The following KCNQ1 variants were observed in gnomAD, a reference collection of about 807,000 sequenced individuals.
KCNQ1 encodes the protein potassium voltage-gated channel subfamily KQT member 1.
Under a neutral mutation model 72.4 loss-of-function variants are expected in KCNQ1, and 49 were observed. The ratio of observed to expected loss-of-function variants is 0.68; its 90% confidence interval spans 0.54 to 0.86. KCNQ1 has a LOEUF of 0.86. KCNQ1 is among the 40% of genes least tolerant of loss of function. The pLI is 0.00. For missense variants in KCNQ1, 790 were observed against 945.1 expected, an observed-to-expected ratio of 0.84 and a Z score of 2.15; for synonymous variants, 450 against 412.6, an observed-to-expected ratio of 1.09 and a Z score of -1.10.
At chr11:2,604,485 AAAAG>A (rs545490911) in intron 10 of KCNQ1, among the ~76,000 whole-genome samples, 65 of 152,062 alleles carry the variant, frequency 4.3e-4, no homozygotes, top group East Asian at 7.8e-4. Flanking sequence ...CAAAAAAACA[AAAAG>A]AAAGGAAGAA....
Position 2,668,042 on chromosome 11 carries a change from C to G in KCNQ1, c.1514+5961C>G, listed in dbSNP as rs1207813843. 2 of 398,514 alleles carry G rather than the reference C, an allele frequency of 5.0e-6. No individual in the cohort carries two copies. Among genetic ancestry groups the G allele is most frequent in the Non-Finnish European group, 8.8e-6 (2 of 226,080 alleles). The allele number at this position is 398,514 out of a possible 1,614,324, so 24.7% of individuals were successfully genotyped here. A position where few individuals can be genotyped will look rare whatever the true frequency, so the allele number is the denominator to read the frequency against. On this transcript the variant is annotated intron_variant, in intron 11 of 15. Coordinates refer to ENST00000155840, the MANE Select transcript of KCNQ1 (RefSeq NM_000218.3). This position sits in a 1 kb window ranked among gnomAD's most constrained non-coding sequence, Gnocchi z 4.3. Reference sequence around the variant, plus strand: ...GCTAGCAGCAAGGACCAGCTTTGCCCACATTTGAACTTTATGCGGTGGGAA... The same window carrying G: ...GCTAGCAGCAAGGACCAGCTTTGCCGACATTTGAACTTTATGCGGTGGGAA...
chr11:2,639,723 C>G (rs1046165599), intron 10 of KCNQ1: 3 of 152,378 alleles, frequency 2.0e-5, no homozygotes, highest in Admixed American at 2.0e-4. Flanking sequence ...GGGAGAACCA[C>G]TACTCTTTTC....
chr11:2,588,885 G>C lies in KCNQ1; in HGVS notation c.1393+31G>C. 4 of 1,609,066 alleles carry C rather than the reference G, an allele frequency of 2.5e-6. No homozygotes were observed. Among genetic ancestry groups the C allele is most frequent in the Non-Finnish European group, 3.4e-6 (4 of 1,179,342 alleles). ...AACCCCTCAGGCAGTTGGGGGCCGC[G>C]GGGCCGGGAAGGTCACTGCCTTTTT... On this transcript the variant is annotated intron_variant, in intron 10 of 15. Transcript: ENST00000155840. This position sits in a 1 kb window ranked among gnomAD's most constrained non-coding sequence, Gnocchi z 5.6.
rs988412466 is a variant in KCNQ1, at chr11:2,712,993, C to T, written c.1514+50912C>T. The stretch of plus-strand genomic sequence containing the variant: ...AGGGGTCCTGGTAAGTATGAGGAAC[C>T]AGAGACCTGGTAAGTATGAGGAACC... On this transcript the variant is annotated intron_variant, in intron 11 of 15. Coordinates refer to ENST00000155840, the MANE Select transcript of KCNQ1 (RefSeq NM_000218.3). The surrounding 1 kb of genome is among the most constrained non-coding windows in gnomAD (Gnocchi z 6.4). Among the ~76,000 whole-genome samples the T allele has an allele frequency of 6.6e-6, 1 of 152,156 alleles. No homozygotes were observed. The highest frequency in any genetic ancestry group is 2.4e-5 in the African/African-American group (1 of 41,444).
chr11:2,557,852 A>G (rs1848095235), intron 2 of KCNQ1, among the ~76,000 whole-genome samples: 1 of 152,244 alleles, frequency 6.6e-6, no homozygotes, highest in African/African-American at 2.4e-5. Context: ...AACCAGCACT[A>G]TCACTTCGAA....
rs552455041 is a variant in KCNQ1 at position 2,561,112 on chromosome 11, G to C, written c.478-9516G>C. Among the ~76,000 whole-genome samples, 491 of 150,902 alleles carry C rather than the reference G, an allele frequency of 3.3e-3. 2 individuals are homozygous for C. Among genetic ancestry groups the C allele is most frequent in the Non-Finnish European group, 5.5e-3 (375 of 67,806 alleles). Reference sequence around the variant, plus strand: ...AGCTACTCGGGAGGCTGAGGCAGTAGAATGGTGTGAACCCCAGGGGGTGGA... The same window carrying C: ...AGCTACTCGGGAGGCTGAGGCAGTACAATGGTGTGAACCCCAGGGGGTGGA... On this transcript the variant is annotated intron_variant, in intron 2 of 15. Transcript: ENST00000155840.
chr11:2,726,751 G>T (rs184633249), intron 11 of KCNQ1, among the ~76,000 whole-genome samples: 1 of 152,178 alleles, frequency 6.6e-6, no homozygotes, highest in Non-Finnish European at 1.5e-5. Context: ...TTTTAAAGCC[G>T]GCTTTCCCAT....
chr11:2,668,363 T>A lies in KCNQ1; in HGVS notation c.1514+6282T>A, dbSNP rs1293520283. 5.0e-6 allele frequency: 2 copies of A among 398,646 alleles called. No individual in the cohort carries two copies. Among genetic ancestry groups the A allele is most frequent in the Non-Finnish European group, 8.8e-6 (2 of 226,066 alleles). The allele number at this position is 398,646 out of a possible 1,614,324, so 24.7% of individuals were successfully genotyped here. A position where few individuals can be genotyped will look rare whatever the true frequency, so the allele number is the denominator to read the frequency against. ...GGGTCCTGGGTGGGCATATGTTTACTCTTAGTGAATACTACCCAGCAGTCT... is the reference window on the plus strand; with the variant it reads ...GGGTCCTGGGTGGGCATATGTTTACACTTAGTGAATACTACCCAGCAGTCT... On this transcript the variant is annotated intron_variant, in intron 11 of 15. Coordinates refer to ENST00000155840, the MANE Select transcript of KCNQ1 (RefSeq NM_000218.3). This position sits in a 1 kb window ranked among gnomAD's most constrained non-coding sequence, Gnocchi z 4.3.
chr11:2,615,996 T>C (rs1849057165), intron 10 of KCNQ1: 2 of 398,250 alleles, frequency 5.0e-6, no homozygotes, highest in African/African-American at 2.1e-5. Context: ...TAGCATTTTC[T>C]TCATTGGAAG....
rs1387847122 is a variant in KCNQ1, at chr11:2,699,420, GCTGAGGAGAGTCTGGGAGAACCGCA to G, written c.1514+37348_1514+37372del. 2.2e-4 allele frequency: 89 copies of G among 400,302 alleles called. No homozygotes were observed. The highest frequency in any genetic ancestry group is 1.3e-3 in the Middle Eastern group (2 of 1,582). The allele number at this position is 400,302 out of a possible 1,614,324, so 24.8% of individuals were successfully genotyped here. On this transcript the variant is annotated intron_variant, in intron 11 of 15. Transcript: ENST00000155840. ...CTCCCAGAGAGATGGGGAGGGCCGC[GCTGAGGAGAGTCTGGGAGAACCGCA>G]CTGAGGAGCCGCCGGGAGAGTGCCG...
At chr11:2,618,978 T>C (rs1849117826) in intron 10 of KCNQ1, 2 of 398,376 alleles carry the variant, frequency 5.0e-6, no homozygotes, top group East Asian at 7.1e-5. Flanking sequence ...TTTGGCCAGG[T>C]CATTATTTGT....
In KCNQ1 at chr11:2,847,848, G is replaced by A. The variant is rs199472821; in HGVS notation, c.1876G>A (p.Gly626Ser). The change falls in exon 16 of 16, where the codon GGC becomes AGC. Residue 626 changes from glycine (G) to serine (S), a missense_variant. By Grantham distance (56) the Gly-to-Ser change is moderately conservative. This residue lies in a region of KCNQ1 where 94 missense variants were observed against 85.2 expected (regional missense o/e 1.10). Transcript: ENST00000155840. ...LLSLHGGSTP[G>S]SGGPPREGGA... ...CTCCTTGCACGGTGGCAGCACCCCC[G>A]GCAGCGGCGGCCCCCCCAGAGAGGG... 42 of 1,571,048 alleles carry A rather than the reference G, an allele frequency of 2.7e-5. No individual in the cohort carries two copies. The highest frequency in any genetic ancestry group is 1.7e-4 in the Middle Eastern group (1 of 6,030).
chr11:2,721,316 G>C (rs1851198870), intron 11 of KCNQ1, among the ~76,000 whole-genome samples: 1 of 152,184 alleles, frequency 6.6e-6, no homozygotes, highest in Non-Finnish European at 1.5e-5. Flanking sequence ...TGCTCGTGAG[G>C]GACCCCCGGG....
In KCNQ1 at chr11:2,687,794, C is replaced by G. The variant is rs1033259737; in HGVS notation, c.1514+25713C>G. On this transcript the variant is annotated intron_variant, in intron 11 of 15. Coordinates refer to ENST00000155840, the MANE Select transcript of KCNQ1 (RefSeq NM_000218.3). The surrounding 1 kb of genome is among the most constrained non-coding windows in gnomAD (Gnocchi z 5.0). ...CAGGCCTAACCACACCCCTAAGCCA[C>G]CCAGCCTGGCCCCCCTCCTCTGCCC... is the stretch of plus-strand genomic sequence containing the variant. 2.5e-6 allele frequency: 1 copy of G among 398,684 alleles called. No homozygotes were observed. Among genetic ancestry groups the G allele is most frequent in the Non-Finnish European group, 4.4e-6 (1 of 226,164 alleles). The allele number at this position is 398,684 out of a possible 1,614,324, so 24.7% of individuals were successfully genotyped here.
rs1847155646 is a variant in KCNQ1 at position 2,509,320 on chromosome 11, G to T, written c.387-18608G>T. Among the ~76,000 whole-genome samples, 2 of 152,134 alleles carry T rather than the reference G, an allele frequency of 1.3e-5. No homozygotes were observed. Among genetic ancestry groups the T allele is most frequent in the Non-Finnish European group, 2.9e-5 (2 of 68,034 alleles). On this transcript the variant is annotated intron_variant, in intron 1 of 15. Transcript: ENST00000155840. The surrounding 1 kb of genome is among the most constrained non-coding windows in gnomAD (Gnocchi z 6.3). The stretch of plus-strand genomic sequence containing the variant: ...GGCCCCTTCCCTTGGCATCATCATT[G>T]TTTCCCCTCCATGTTCAAGTTCAGC...
At chr11:2,796,093 GA>G (rs1564896184) in intron 15 of KCNQ1, among the ~76,000 whole-genome samples, 1 of 152,238 alleles carries the variant, frequency 6.6e-6, no homozygotes, top group Admixed American at 6.5e-5. Flanking sequence ...CAGCAGCCTA[GA>G]ACCGACACGT....
In KCNQ1 at chr11:2,458,218, CAG is replaced by C. The variant is rs1202113070; in HGVS notation, c.386+12737_386+12738del. Reference sequence around the variant, plus strand: ...AGTGGGTAAGCCTCACTGAAAATAACAGAGGAAGTGGATGAGCTGCATTGATG... The same window carrying C: ...AGTGGGTAAGCCTCACTGAAAATAACAGGAAGTGGATGAGCTGCATTGATG... On this transcript the variant is annotated intron_variant, in intron 1 of 15. Transcript: ENST00000155840. This position sits in a 1 kb window ranked among gnomAD's most constrained non-coding sequence, Gnocchi z 4.6. 2.6e-5 allele frequency among the ~76,000 whole-genome samples: 4 copies of C among 152,086 alleles called. No individual in the cohort carries two copies. The East Asian group carries it at 7.7e-4, about 29-fold the overall frequency.
rs1379580562 is a variant in KCNQ1, at chr11:2,711,165, T to C, written c.1514+49084T>C. ...AATTTGGTTCAAGAATATCTCATAG[T>C]TTTCAGTATAGTTTTTGCACTACTT... On this transcript the variant is annotated intron_variant, in intron 11 of 15. Transcript: ENST00000155840. This position sits in a 1 kb window ranked among gnomAD's most constrained non-coding sequence, Gnocchi z 5.4. 2.6e-5 allele frequency among the ~76,000 whole-genome samples: 4 copies of C among 152,196 alleles called. No individual in the cohort carries two copies. The highest frequency in any genetic ancestry group is 4.8e-5 in the African/African-American group (2 of 41,446).
chr11:2,549,802 G>C lies in KCNQ1; in HGVS notation c.478-20826G>C, dbSNP rs35025063. Reference sequence around the variant, plus strand: ...TCATGAGTACCCCAGGCCCCTATGCGCCTCCTTCCCCATGACTGGCCCTGG... The same window carrying C: ...TCATGAGTACCCCAGGCCCCTATGCCCCTCCTTCCCCATGACTGGCCCTGG... On this transcript the variant is annotated intron_variant, in intron 2 of 15. Coordinates refer to ENST00000155840, the MANE Select transcript of KCNQ1 (RefSeq NM_000218.3). This position sits in a 1 kb window ranked among gnomAD's most constrained non-coding sequence, Gnocchi z 6.2. 6.6e-6 allele frequency among the ~76,000 whole-genome samples: 1 copy of C among 152,116 alleles called. No individual in the cohort carries two copies. Among genetic ancestry groups the C allele is most frequent in the Non-Finnish European group, 1.5e-5 (1 of 67,996 alleles).
Sources: gnomAD v4.1 joint callset for allele counts (sites outside exome capture counted in the v4.1 genomes callset) on GRCh38, gnomAD v4.1.1 for gene constraint, gnomAD v4.1.1 regional missense constraint, Gnocchi (gnomAD v3.1) non-coding constraint, MANE v1.5 for transcripts, NCBI Gene and HGNC (gene_info 2026-07-23, HGNC 2026-07-21) for gene names.